DNAI4: variants seen among roughly 807,000 people sequenced by gnomAD.
The protein encoded by DNAI4 is dynein axonemal intermediate chain 4.
A neutral mutation model predicts 105.8 loss-of-function variants in DNAI4; 85 were observed. The observed-to-expected ratio is 0.80, with a 90% confidence interval of 0.67 to 0.96. The LOEUF is 0.96. DNAI4 is among the 40% of genes least tolerant of loss of function. DNAI4 has a pLI of 0.00. For synonymous variants in DNAI4, 352 were observed against 331.5 expected (o/e 1.06, Z -0.67); for missense variants, 1,014 against 1,005.6 (o/e 1.01, Z -0.11).
intron 8 of DNAI4, among the ~76,000 whole-genome samples, chr1:66,846,576 A>G (rs1349323328): frequency 6.6e-6 from 1 of 152,200 alleles, no homozygotes; most frequent in Non-Finnish European, 1.5e-5. Context: ...AGAGTCTCCA[A>G]AGCAATATGA....
At chr1:66,886,065 T>C (rs747922651) in intron 4 of DNAI4, among the ~76,000 whole-genome samples, 2 of 152,228 alleles carry the variant, frequency 1.3e-5, no homozygotes, top group Non-Finnish European at 2.9e-5. Flanking sequence ...CATTTTAGTT[T>C]GGGAATTTTT....
chr1:66,883,052 T>A (rs1252212193), intron 4 of DNAI4, among the ~76,000 whole-genome samples: 1 of 152,074 alleles, frequency 6.6e-6, no homozygotes, highest in Non-Finnish European at 1.5e-5. Context: ...TTTTTGTTGT[T>A]GTAGTTTAAT....
intron 1 of DNAI4, among the ~76,000 whole-genome samples, chr1:66,917,543 C>T (rs1650158910): frequency 6.6e-6 from 1 of 152,208 alleles, no homozygotes; most frequent in South Asian, 2.1e-4. Flanking sequence ...ACTCCATAAA[C>T]TGAACTGACA....
chr1:66,827,111 G>A, intron 14 of DNAI4, 65 bp from the exon 15 acceptor site: 2 of 1,369,324 alleles, frequency 1.5e-6, no homozygotes, highest in South Asian at 2.7e-5. Context: ...AACTTGACCA[G>A]CAAATTAAAA....
At chr1:66,906,027 G>A (rs895263269) in intron 1 of DNAI4, among the ~76,000 whole-genome samples, 3 of 146,834 alleles carry the variant, frequency 2.0e-5, no homozygotes, top group Non-Finnish European at 4.5e-5. Flanking sequence ...GGGTTCAAGC[G>A]ATTCTTCTGC....
chr1:66,822,642 TC>T (rs1167776060), intron 15 of DNAI4, 125 bp from the exon 16 acceptor site: 16 of 841,672 alleles, frequency 1.9e-5, no homozygotes, highest in Non-Finnish European at 2.7e-5. Context: ...TTTAAGTGTT[TC>T]CAAACTCAAA....
rs1378542707 is a variant in DNAI4 at position 66,822,430 on chromosome 1, T to C, written c.2427A>G (p.Val809=). ...CAGAAACCTGTCCATCACTGTCTCC[T>C]ACCAGAAGGCAATCTGTTTGTTTGG... ...LFAKQTDCLL[V]GDSDGQVSVY... is the part of the protein sequence containing the mutation. Residue 809 remains valine, a synonymous_variant, in exon 16 of 17, where the codon GTA becomes GTG. Coordinates refer to ENST00000371026, the MANE Select transcript of DNAI4 (RefSeq NM_024763.5). The C allele has an allele frequency of 1.2e-6, 2 of 1,613,616 alleles. No homozygotes were observed. Among genetic ancestry groups the C allele is most frequent in the East Asian group, 4.5e-5 (2 of 44,826 alleles).
At chr1:66,822,891 GT>G (rs58873638) in intron 15 of DNAI4, among the ~76,000 whole-genome samples, 57,574 of 151,188 alleles carry the variant, frequency 0.38, 11,694 homozygotes, top group South Asian at 0.5. Context: ...ACTAGAATTT[GT>G]TTTTTTTGTT....
intron 13 of DNAI4, among the ~76,000 whole-genome samples, chr1:66,832,255 C>T (rs1645881610): frequency 6.6e-6 from 1 of 152,300 alleles, no homozygotes; most frequent in Admixed American, 6.5e-5. Context: ...ATCTGAACTA[C>T]ATTAGCAATA....
At chr1:66,904,084 T>A (rs1280919520) in intron 2 of DNAI4, among the ~76,000 whole-genome samples, 1 of 151,934 alleles carries the variant, frequency 6.6e-6, no homozygotes, top group African/African-American at 2.4e-5. Flanking sequence ...TATACACACA[T>A]AAATAAGTGA....
At chr1:66,886,785 C>T (rs1486711825) in intron 4 of DNAI4, among the ~76,000 whole-genome samples, 1 of 152,092 alleles carries the variant, frequency 6.6e-6, no homozygotes, top group Non-Finnish European at 1.5e-5. Context: ...TATCCCTGCC[C>T]CTACTCCCTT....
chr1:66,822,083 A>G (rs934516061), intron 16 of DNAI4, among the ~76,000 whole-genome samples: 1 of 152,126 alleles, frequency 6.6e-6, no homozygotes, highest in African/African-American at 2.4e-5. Context: ...CCAATTACAT[A>G]CTAGGCACAA....
At chr1:66,874,681 AC>A in intron 5 of DNAI4, 99 bp downstream of exon 5, 1 of 1,237,358 alleles carries the variant, frequency 8.1e-7, no homozygotes, top group Non-Finnish European at 1.1e-6. Flanking sequence ...CATAGTGTAT[AC>A]CCCAGAACCC....
rs367567272 is a variant in DNAI4 at position 66,847,653 on chromosome 1, G to A, written c.1122C>T (p.Asp374=). Residue 374 remains aspartate, a synonymous_variant, in exon 8 of 17, where the codon GAC becomes GAT. Transcript: ENST00000371026. ...TTTTTGCCAGAATTACATTTTCTAT[G>A]TCCATTAGAGAACTAGTTTCACTAT... ...EKNSETSSLM[D]IENVILAKIH... 6.2e-7 allele frequency: 1 copy of A among 1,609,102 alleles called. No individual in the cohort carries two copies. The highest frequency in any genetic ancestry group is 8.5e-7 in the Non-Finnish European group (1 of 1,178,358).
chr1:66,841,494 C>T, intron 8 of DNAI4, among the ~76,000 whole-genome samples: 1 of 152,094 alleles, frequency 6.6e-6, no homozygotes, highest in East Asian at 1.9e-4. Flanking sequence ...AATAATAATC[C>T]ACTGTCATTC....
intron 6 of DNAI4, among the ~76,000 whole-genome samples, chr1:66,865,139 G>A (rs1206731205): frequency 6.6e-6 from 1 of 151,860 alleles, no homozygotes; most frequent in Non-Finnish European, 1.5e-5. Context: ...AGATTTTATG[G>A]ATGCCAGCCG....
intron 10 of DNAI4, 46 bp downstream of exon 10, chr1:66,837,664 T>C (rs762311717): frequency 6.5e-7 from 1 of 1,542,072 alleles, no homozygotes. Flanking sequence ...TATGAGAATT[T>C]TGTCAACAGC....
At chr1:66,901,849 C>T (rs1351269759) in intron 2 of DNAI4, among the ~76,000 whole-genome samples, 2 of 152,192 alleles carry the variant, frequency 1.3e-5, no homozygotes, top group Non-Finnish European at 1.5e-5. Flanking sequence ...TGCAGTGGCA[C>T]GATCATAGCT....
chr1:66,900,552 T>C (rs1448436688), intron 2 of DNAI4, among the ~76,000 whole-genome samples: 1 of 152,250 alleles, frequency 6.6e-6, no homozygotes, highest in Non-Finnish European at 1.5e-5. Context: ...TACTTTCCCA[T>C]TGAATTAGAT....
Sources: allele counts gnomAD v4.1 joint callset (sites outside exome capture counted in the v4.1 genomes callset), GRCh38; gene constraint gnomAD v4.1.1; transcripts MANE v1.5; gene names NCBI Gene and HGNC (gene_info 2026-07-23, HGNC 2026-07-21).